CACNA1D: variants seen among roughly 807,000 people sequenced by gnomAD.
CACNA1D encodes voltage-dependent L-type calcium channel subunit alpha-1D.
A neutral mutation model predicts 257.1 loss-of-function variants in CACNA1D; 55 were observed. The observed-to-expected ratio is 0.21, with a 90% CI of 0.17 to 0.27. CACNA1D has a LOEUF of 0.27. Ranked by LOEUF, CACNA1D falls within the 10% of genes least tolerant of loss-of-function variation. The pLI, the probability that CACNA1D is intolerant of heterozygous loss-of-function variation, is 1.00. For missense variants in CACNA1D, 1,876 were observed against 2,784.0 expected (o/e 0.67, Z 7.34); for synonymous variants, 980 against 1,014.9 (o/e 0.97, Z 0.65).
chr3:53,719,532 A>C (rs1215394491), intron 10 of CACNA1D, among the ~76,000 whole-genome samples: 4 of 152,138 alleles, frequency 2.6e-5, no homozygotes, highest in Non-Finnish European at 5.9e-5. Flanking sequence ...AATCTGGCCG[A>C]GTCTTCCCTG....
At chr3:53,637,745 G>A (rs973385593) in intron 3 of CACNA1D, among the ~76,000 whole-genome samples, 2 of 152,180 alleles carry the variant, frequency 1.3e-5, no homozygotes, top group Non-Finnish European at 2.9e-5. Context: ...ATACTCCTCA[G>A]CTCAGTGTGG....
intron 2 of CACNA1D, among the ~76,000 whole-genome samples, chr3:53,497,763 G>C (rs992704118): frequency 1.3e-5 from 2 of 152,102 alleles, no homozygotes; most frequent in African/African-American, 4.8e-5. Flanking sequence ...TTTGGTTATT[G>C]GACATTAGAT....
chr3:53,639,248 A>G (rs2093920806), intron 3 of CACNA1D, among the ~76,000 whole-genome samples: 1 of 152,190 alleles, frequency 6.6e-6, no homozygotes, highest in African/African-American at 2.4e-5. Flanking sequence ...TAAAAATACA[A>G]AAATTCTCCA....
intron 3 of CACNA1D, among the ~76,000 whole-genome samples, chr3:53,522,445 G>A (rs1180699217): frequency 7.7e-6 from 1 of 130,156 alleles, no homozygotes; most frequent in Non-Finnish European, 1.5e-5. Flanking sequence ...CATAGTTTTT[G>A]GATGTGGTTG....
intron 29 of CACNA1D, among the ~76,000 whole-genome samples, chr3:53,759,036 C>T (rs960063242): frequency 6.6e-6 from 1 of 152,160 alleles, no homozygotes; most frequent in Non-Finnish European, 1.5e-5. Context: ...GGACTCCTGT[C>T]AGAGCCACCT....
At chr3:53,767,602 C>T (rs1258829125) in intron 30 of CACNA1D, among the ~76,000 whole-genome samples, 1 of 150,134 alleles carries the variant, frequency 6.7e-6, no homozygotes, top group Admixed American at 6.6e-5. Flanking sequence ...AAATTCCCAA[C>T]ATGCAGATAC....
intron 11 of CACNA1D, among the ~76,000 whole-genome samples, chr3:53,721,430 C>T (rs2094881731): frequency 6.6e-6 from 1 of 152,148 alleles, no homozygotes; most frequent in Non-Finnish European, 1.5e-5. Flanking sequence ...ACTGACTTTA[C>T]CAATTGGCTG....
At chr3:53,596,799 G>A (rs940631613) in intron 3 of CACNA1D, among the ~76,000 whole-genome samples, 1 of 152,358 alleles carries the variant, frequency 6.6e-6, no homozygotes, top group Non-Finnish European at 1.5e-5. Flanking sequence ...CTTCAGAACT[G>A]TAAGATACTA....
chr3:53,720,795 T>C (rs1299368816), intron 11 of CACNA1D, among the ~76,000 whole-genome samples: 1 of 152,224 alleles, frequency 6.6e-6, no homozygotes, highest in African/African-American at 2.4e-5. Context: ...ACAGTGTTGA[T>C]GGACATGTCA....
intron 1 of CACNA1D, among the ~76,000 whole-genome samples, chr3:53,496,355 G>A (rs1251209762): frequency 6.6e-6 from 1 of 152,312 alleles, no homozygotes; most frequent in Admixed American, 6.5e-5. Flanking sequence ...TCCCTCTTAG[G>A]CCTGGAGGCC....
intron 30 of CACNA1D, 65 bp downstream of exon 30, chr3:53,762,146 C>T (rs2095306914): frequency 2.0e-6 from 2 of 995,706 alleles, no homozygotes; most frequent in East Asian, 2.4e-5. Flanking sequence ...ATACTCCGCT[C>T]CCTGCCCTGC....
At chr3:53,648,179 C>T (rs1456241950) in intron 3 of CACNA1D, among the ~76,000 whole-genome samples, 1 of 152,006 alleles carries the variant, frequency 6.6e-6, no homozygotes, top group African/African-American at 2.4e-5. Context: ...ATATTGATGG[C>T]AGCAAAAGCT....
intron 20 of CACNA1D, among the ~76,000 whole-genome samples, chr3:53,737,946 C>G (rs1348245305): frequency 6.6e-6 from 1 of 152,246 alleles, no homozygotes; most frequent in African/African-American, 2.4e-5. Flanking sequence ...TAAATTGGCT[C>G]TTGCCTCAGC....
chr3:53,596,238 A>G (rs1167381445), intron 3 of CACNA1D, among the ~76,000 whole-genome samples: 1 of 151,880 alleles, frequency 6.6e-6, no homozygotes, highest in Admixed American at 6.6e-5. Context: ...TGTGACCTTC[A>G]TCCCCCCTCC....
At position 53,507,449 on chromosome 3, in the gene CACNA1D, C is replaced by A. The variant is rs552355930; in HGVS notation, c.483+5729C>A. ...CATAGTGAGATTCCATGTCTCCCCC[C>A]GCCAAAAAAAAAAAAAAAATTAGCT... On this transcript the variant is annotated intron_variant, in intron 3 of 47. Transcript: ENST00000350061. Among the ~76,000 whole-genome samples, 4 of 149,092 alleles carry A rather than the reference C, an allele frequency of 2.7e-5. No homozygotes were observed. The South Asian group carries it at 6.7e-4, about 25-fold the overall frequency.
intron 3 of CACNA1D, among the ~76,000 whole-genome samples, chr3:53,603,578 A>G (rs931275651): frequency 2.6e-5 from 4 of 152,220 alleles, no homozygotes; most frequent in Non-Finnish European, 5.9e-5. Context: ...TGCTTCATAA[A>G]TTGCAAAATA....
intron 3 of CACNA1D, among the ~76,000 whole-genome samples, chr3:53,529,750 A>AT (rs2091885858): frequency 2.0e-5 from 3 of 152,194 alleles, no homozygotes; most frequent in African/African-American, 7.2e-5. Context: ...TGAGCAACTC[A>AT]TACCATTCCT....
At chr3:53,810,758 CAAAAAAAAAAA>C (rs71074934) in intron 47 of CACNA1D, among the ~76,000 whole-genome samples, 5 of 68,284 alleles carry the variant, frequency 7.3e-5, no homozygotes, top group Admixed American at 6.8e-4. Flanking sequence ...ACTCTTGTCT[CAAAAAAAAAAA>C]AAAAAAAAAA....
chr3:53,653,724 T>C (rs2094121146), intron 4 of CACNA1D, among the ~76,000 whole-genome samples: 1 of 151,504 alleles, frequency 6.6e-6, no homozygotes, highest in Non-Finnish European at 1.5e-5. Flanking sequence ...GTCTAACATA[T>C]ATATATATTT....
Sources: allele counts gnomAD v4.1 joint callset (sites outside exome capture counted in the v4.1 genomes callset), GRCh38; gene constraint gnomAD v4.1.1; transcripts MANE v1.5; gene names NCBI Gene and HGNC (gene_info 2026-07-23, HGNC 2026-07-21).